Variants in TRIM5 observed in about 807,000 individuals in gnomAD.
TRIM5 encodes tripartite motif-containing protein 5.
A neutral mutation model predicts 35.6 loss-of-function variants in TRIM5; 31 were observed. That is an observed-to-expected ratio of 0.87 (90% CI 0.65 to 1.18). The LOEUF (loss-of-function observed/expected upper bound fraction) is 1.18. Among genes scored for constraint, TRIM5 ranks in the 50% most tolerant of loss-of-function variants. TRIM5 has a pLI of 0.00. For synonymous variants in TRIM5, 243 were observed against 215.6 expected (o/e 1.13, Z -1.11); for missense variants, 609 against 591.6 (o/e 1.03, Z -0.31).
At chr11:5,605,366 C>G in the TRIM5 span, 1 of 1,614,112 alleles carries the variant, frequency 6.2e-7, no homozygotes, top group Non-Finnish European at 8.5e-7. Context: ...GATGCAGGAT[C>G]CAGACAGAGT....
the TRIM5 span, chr11:5,595,109 T>C: frequency 6.6e-6 from 1 of 152,224 alleles, no homozygotes; most frequent in Admixed American, 6.5e-5. Context: ...AATCTCTTGA[T>C]ACTTAACCCA....
At chr11:5,606,142 C>T in the TRIM5 span, among the ~76,000 whole-genome samples, 2 of 152,236 alleles carry the variant, frequency 1.3e-5, no homozygotes, top group African/African-American at 4.8e-5. Flanking sequence ...GTCACAGGCA[C>T]ACTTACGCCA....
chr11:5,667,576 G>A (rs78913107), intron 5 of TRIM5, 113 bp downstream of exon 5: 204 of 1,144,494 alleles, frequency 1.8e-4, no homozygotes, highest in Admixed American at 4.4e-4. Flanking sequence ...AAACAATATC[G>A]AAATTTTTCT....
chr11:5,642,551 T>G, the TRIM5 span: 1 of 1,603,734 alleles, frequency 6.2e-7, no homozygotes, highest in Non-Finnish European at 8.5e-7. Context: ...ATTGTTGTGG[T>G]GTCAGGTAAT....
the TRIM5 span, chr11:5,597,027 T>C: frequency 6.4e-7 from 1 of 1,559,606 alleles, no homozygotes; most frequent in Non-Finnish European, 8.7e-7. Context: ...CTTTATTTCT[T>C]TTTCTTTCTC....
At chr11:5,603,150 G>A in the TRIM5 span, 1 of 1,515,088 alleles carries the variant, frequency 6.6e-7, no homozygotes, top group Non-Finnish European at 8.8e-7. Flanking sequence ...GTTACCCCAG[G>A]TGTCTGACCT....
the TRIM5 span, chr11:5,644,492 A>G: frequency 5.3e-6 from 2 of 376,046 alleles, no homozygotes; most frequent in Non-Finnish European, 9.4e-6. Context: ...AAGTTCCCAG[A>G]CTCCACTGTT....
intron 1 of TRIM5, chr11:5,684,259 C>G (rs886599730): frequency 2.0e-5 from 3 of 152,572 alleles, no homozygotes; most frequent in Non-Finnish European, 4.4e-5. Flanking sequence ...TTTCTCTCCC[C>G]GTACTCAGTT....
intron 2 of TRIM5, among the ~76,000 whole-genome samples, 176 bp from the exon 3 acceptor site, chr11:5,679,345 A>G (rs567676995): frequency 6.6e-6 from 1 of 152,352 alleles, no homozygotes; most frequent in East Asian, 1.9e-4. Context: ...TGTGCTCCCT[A>G]CATCTCAGGT....
At position 5,664,938 on chromosome 11, in the gene TRIM5, G is replaced by C; in HGVS notation, c.1353C>G (p.Phe451Leu). ...FLDYEACTVS[F>L]FNITNHGFLI... ...GAAATCCATGGTTTGTGATATTGAA[G>C]AATGAGACAGTGCAAGCCTCATAGT... The change falls in exon 8 of 8, where the codon TTC becomes TTG. Residue 451 changes from phenylalanine (F) to leucine (L), a missense_variant. By Grantham distance (22) the Phe-to-Leu change is conservative (BLOSUM62 0). Transcript: ENST00000380034. The C allele has an allele frequency of 1.9e-6, 3 of 1,614,032 alleles. No homozygotes were observed. Among genetic ancestry groups the C allele is most frequent in the Non-Finnish European group, 8.5e-7 (1 of 1,180,014 alleles).
chr11:5,623,251 A>G, the TRIM5 span, among the ~76,000 whole-genome samples: 2 of 151,926 alleles, frequency 1.3e-5, no homozygotes, highest in African/African-American at 2.4e-5. Context: ...CTTTTACACT[A>G]TCTAAATGTA....
the TRIM5 span, chr11:5,619,721 T>A: frequency 1.1e-5 from 1 of 92,062 alleles, no homozygotes; most frequent in African/African-American, 4.1e-5. Flanking sequence ...TTTTTTTTTT[T>A]TGAGACTGAG....
intron 4 of TRIM5, among the ~76,000 whole-genome samples, chr11:5,670,211 T>G (rs1345359538): frequency 5.1e-5 from 6 of 117,108 alleles, no homozygotes; most frequent in Non-Finnish European, 9.9e-5. Flanking sequence ...GGAGTCTCAC[T>G]CTGTCACCCA....
chr11:5,666,011 C>T lies in TRIM5; in HGVS notation c.838G>A (p.Asp280Asn). 1.2e-6 allele frequency: 2 copies of T among 1,613,288 alleles called. No homozygotes were observed. The highest frequency in any genetic ancestry group is 1.7e-6 in the Non-Finnish European group (2 of 1,179,834). ...AACACTTCTAGCATTCCTTTCAGAT[C>T]AGGAGCTCGAAACACTCTCCTTTGA... ...KNQRRVFRAP[D>N]LKGMLEVFRE... Residue 280 changes from aspartate to asparagine, a missense_variant, in exon 6 of 8, where the codon GAT (aspartate) becomes AAT (asparagine). By Grantham distance (23) the Asp-to-Asn change is conservative. Coordinates refer to ENST00000380034, the MANE Select transcript of TRIM5 (RefSeq NM_033034.3).
At chr11:5,634,739 A>T in the TRIM5 span, 1 of 1,614,076 alleles carries the variant, frequency 6.2e-7, no homozygotes, top group Non-Finnish European at 8.5e-7. Flanking sequence ...AGAAGAAGAA[A>T]AGAAGACGCT....
At chr11:5,595,720 C>CTT in the TRIM5 span, among the ~76,000 whole-genome samples, 25,474 of 141,132 alleles carry the variant, frequency 0.18, 2,680 homozygotes, top group Middle Eastern at 0.33. Flanking sequence ...TTCAAAAATT[C>CTT]TTTTTTTTTT....
chr11:5,662,241 G>C (rs186320647), downstream of TRIM5, among the ~76,000 whole-genome samples: 1 of 152,288 alleles, frequency 6.6e-6, no homozygotes, highest in Admixed American at 6.5e-5. Flanking sequence ...GTGAAGAGCA[G>C]AGACTATTTG....
chr11:5,634,594 C>A, the TRIM5 span: 2 of 1,584,666 alleles, frequency 1.3e-6, no homozygotes, highest in South Asian at 1.1e-5. Context: ...CTTAGCCTGA[C>A]AAACTTACTA....
chr11:5,643,124 T>G, the TRIM5 span: 9 of 1,133,124 alleles, frequency 7.9e-6, no homozygotes, highest in Non-Finnish European at 1.0e-5. Context: ...CATATATATA[T>G]ATTTTTTTTT....
Sources: allele counts gnomAD v4.1 joint callset (sites outside exome capture counted in the v4.1 genomes callset), GRCh38; gene constraint gnomAD v4.1.1; transcripts MANE v1.5; gene names NCBI Gene and HGNC (gene_info 2026-07-23, HGNC 2026-07-21).